CHLSN: variants seen among roughly 807,000 people sequenced by gnomAD.
CHLSN encodes cholesin, also known as protein cholesin.
At chr7:1,012,138 C>G in the CHLSN span, among the ~76,000 whole-genome samples, 1 of 152,400 alleles carries the variant, frequency 6.6e-6, no homozygotes, top group East Asian at 1.9e-4. Context: ...GGCCCCCACT[C>G]CATGGGCCAC....
At chr7:1,099,999 T>C in the CHLSN span, among the ~76,000 whole-genome samples, 3 of 152,182 alleles carry the variant, frequency 2.0e-5, no homozygotes. Flanking sequence ...TATGGACAAC[T>C]GGATAATCCA....
At chr7:1,016,976 A>ACGC in the CHLSN span, among the ~76,000 whole-genome samples, 1 of 67,344 alleles carries the variant, frequency 1.5e-5, no homozygotes, top group Non-Finnish European at 2.9e-5. Context: ...ACGCCAGCAC[A>ACGC]CACCAGCGCA....
the CHLSN span, among the ~76,000 whole-genome samples, chr7:1,042,907 C>T: frequency 2.0e-5 from 3 of 152,148 alleles, no homozygotes; most frequent in Non-Finnish European, 2.9e-5. Flanking sequence ...ATCCTGGCTC[C>T]ACGGCCTGCA....
chr7:1,093,966 C>G, the CHLSN span, among the ~76,000 whole-genome samples: 1 of 152,194 alleles, frequency 6.6e-6, no homozygotes, highest in Non-Finnish European at 1.5e-5. Context: ...GTCCGGCCAG[C>G]CGGACCTAAC....
chr7:1,104,657 G>A, the CHLSN span, among the ~76,000 whole-genome samples: 13 of 152,296 alleles, frequency 8.5e-5, no homozygotes, highest in Admixed American at 3.9e-4. Flanking sequence ...CTGTTTATGC[G>A]CCTGACAGCA....
chr7:1,012,987 G>A, the CHLSN span, among the ~76,000 whole-genome samples: 1 of 152,254 alleles, frequency 6.6e-6, no homozygotes, highest in Non-Finnish European at 1.5e-5. Context: ...AGCTGGAGGG[G>A]GCGGGAGGCA....
chr7:1,017,870 T>C, the CHLSN span, among the ~76,000 whole-genome samples: 2 of 152,194 alleles, frequency 1.3e-5, no homozygotes, highest in South Asian at 2.1e-4. Flanking sequence ...ACACCCGCCT[T>C]GGTGGGATGG....
At chr7:1,000,544 G>A in the CHLSN span, 1 of 1,605,904 alleles carries the variant, frequency 6.2e-7, no homozygotes, top group Non-Finnish European at 8.5e-7. Context: ...TTGTGCTTTT[G>A]GGCCCATCTA....
the CHLSN span, among the ~76,000 whole-genome samples, chr7:1,062,253 T>C: frequency 3.3e-5 from 5 of 152,142 alleles, no homozygotes; most frequent in African/African-American, 7.2e-5. Context: ...CTGGATCTAG[T>C]GTGAATTGTG....
At chr7:1,070,326 T>C in the CHLSN span, among the ~76,000 whole-genome samples, 9 of 130,752 alleles carry the variant, frequency 6.9e-5, no homozygotes, top group South Asian at 8.1e-4. Context: ...GCCCCCCGCC[T>C]GGCCAGCCGT....
the CHLSN span, among the ~76,000 whole-genome samples, chr7:1,116,423 G>T: frequency 7.4e-6 from 1 of 135,584 alleles, no homozygotes; most frequent in Non-Finnish European, 1.5e-5. Flanking sequence ...GCAGCTCTAC[G>T]GACCGGCTTC....
chr7:1,091,717 C>G, the CHLSN span: 9 of 1,507,824 alleles, frequency 6.0e-6, no homozygotes, highest in Non-Finnish European at 8.0e-6. Flanking sequence ...GAAAGCTGCA[C>G]GGTGCAGAGA....
At chr7:1,004,733 C>T in the CHLSN span, among the ~76,000 whole-genome samples, 3 of 152,222 alleles carry the variant, frequency 2.0e-5, no homozygotes, top group Admixed American at 1.3e-4. Context: ...CTGGTCCCTG[C>T]GCAACTGCAG....
At chr7:984,667 A>G in the CHLSN span, 1 of 1,479,794 alleles carries the variant, frequency 6.8e-7, no homozygotes, top group Non-Finnish European at 9.0e-7. Context: ...AGAGGCTCCC[A>G]GGGTGGCCTG....
chr7:1,012,992 G>A, the CHLSN span, among the ~76,000 whole-genome samples: 1 of 152,240 alleles, frequency 6.6e-6, no homozygotes, highest in Non-Finnish European at 1.5e-5. Flanking sequence ...GAGGGGGCGG[G>A]AGGCAGCAGG....
the CHLSN span, chr7:1,093,647 G>A: frequency 8.5e-6 from 4 of 471,176 alleles, no homozygotes; most frequent in Admixed American, 4.7e-5. Flanking sequence ...TCGGGTGCCA[G>A]GACAATGAAA....
At chr7:1,081,549 C>T in the CHLSN span, among the ~76,000 whole-genome samples, 3 of 152,234 alleles carry the variant, frequency 2.0e-5, no homozygotes, top group Non-Finnish European at 4.4e-5. Context: ...CTGGCATCCG[C>T]CACGCGGACG....
the CHLSN span, among the ~76,000 whole-genome samples, chr7:1,006,309 G>A: frequency 3.3e-5 from 5 of 152,300 alleles, no homozygotes; most frequent in South Asian, 2.1e-4. Context: ...AAGAGCACAC[G>A]ACGGCCACAG....
chr7:1,006,702 G>A, the CHLSN span, among the ~76,000 whole-genome samples: 2 of 149,612 alleles, frequency 1.3e-5, no homozygotes, highest in Non-Finnish European at 3.0e-5. Context: ...CATACTGCAG[G>A]GAAAGAGCGC....
Sources: gnomAD v4.1 joint callset for allele counts (sites outside exome capture counted in the v4.1 genomes callset) on GRCh38, gnomAD v4.1.1 for gene constraint, MANE v1.5 for transcripts, NCBI Gene and HGNC (gene_info 2026-07-23, HGNC 2026-07-21) for gene names.